CHL1: variants seen among roughly 807,000 people sequenced by gnomAD.
CHL1 encodes the protein neural cell adhesion molecule L1-like protein.
Under a neutral mutation model 141.9 loss-of-function variants are expected in CHL1, and 96 were observed. The observed-to-expected ratio is 0.68, with a 90% confidence interval of 0.57 to 0.80. The LOEUF is 0.80. Ranked by LOEUF, CHL1 falls within the 30% of genes least tolerant of loss-of-function variation. The pLI is 0.00. For synonymous variants in CHL1, 613 were observed against 502.2 expected (o/e 1.22, Z -2.95); for missense variants, 1,820 against 1,457.2 (o/e 1.25, Z -4.05).
At chr3:201,008 C>A (rs892460947) in intron 1 of CHL1, among the ~76,000 whole-genome samples, 1 of 152,174 alleles carries the variant, frequency 6.6e-6, no homozygotes, top group Admixed American at 6.5e-5. Flanking sequence ...TGAATTAACA[C>A]ATCCCTTTGA....
rs116739083 is a variant in CHL1, at chr3:392,453, C to T, written c.2914+656C>T. ...TGGGCTCTGCCCAGATGCTGCTGTG[C>T]GACTAGAGTAACGTGAATGTGTTTA... On this transcript the variant is annotated intron_variant, in intron 23 of 27. Coordinates refer to ENST00000256509, the MANE Select transcript of CHL1 (RefSeq NM_006614.4). Among the ~76,000 whole-genome samples, 273 of 152,308 alleles carry T rather than the reference C, an allele frequency of 1.8e-3. 1 individual carries two copies. Among genetic ancestry groups the T allele is most frequent in the African/African-American group, 5.7e-3 (236 of 41,566 alleles).
chr3:233,779 T>C (rs1000606104), intron 1 of CHL1, among the ~76,000 whole-genome samples: 9 of 152,092 alleles, frequency 5.9e-5, no homozygotes, highest in African/African-American at 2.2e-4. Flanking sequence ...ACTTTTCTAA[T>C]ACATAACTAT....
At chr3:336,429 A>G (rs887785404) in intron 5 of CHL1, among the ~76,000 whole-genome samples, 3 of 152,130 alleles carry the variant, frequency 2.0e-5, no homozygotes, top group Admixed American at 6.6e-5. Flanking sequence ...AATTTCCCTG[A>G]TGGCATTTCA....
At chr3:378,072 A>T in intron 16 of CHL1, 130 bp downstream of exon 16, 2 of 670,878 alleles carry the variant, frequency 3.0e-6, no homozygotes, top group Non-Finnish European at 4.5e-6. Context: ...ATTTTTGTTT[A>T]AAAAGCAACA....
chr3:387,225 C>A (rs1221078811), intron 19 of CHL1, among the ~76,000 whole-genome samples: 3 of 152,198 alleles, frequency 2.0e-5, no homozygotes, highest in Admixed American at 2.0e-4. Context: ...CTCAGATCCT[C>A]TAAAGGATAC....
At chr3:260,426 A>G (rs1048031366) in intron 2 of CHL1, among the ~76,000 whole-genome samples, 3 of 152,226 alleles carry the variant, frequency 2.0e-5, no homozygotes, top group Non-Finnish European at 4.4e-5. Context: ...ATCACTATCT[A>G]TTAAGACATA....
chr3:297,156 A>G (rs1449900169), intron 2 of CHL1, among the ~76,000 whole-genome samples: 1 of 151,964 alleles, frequency 6.6e-6, no homozygotes, highest in East Asian at 1.9e-4. Context: ...AGTCGGGGAG[A>G]TGGAGGCTTC....
In CHL1 at chr3:314,323, CTATGTGTATATATATA is replaced by C. The variant is rs1311704254; in HGVS notation, c.-94-5356_-94-5341del. On this transcript the variant is annotated intron_variant, in intron 2 of 27. Transcript: ENST00000256509. ...ACTCTCTCTCTTTCTCTCTCTCTCT[CTATGTGTATATATATA>C]TATATATATATATATATATATATAT... 2.1e-3 allele frequency among the ~76,000 whole-genome samples: 126 copies of C among 60,160 alleles called. 2 individuals are homozygous for C. Among genetic ancestry groups the C allele is most frequent in the African/African-American group, 7.7e-3 (118 of 15,302 alleles). The allele number at this position is 60,160 out of a possible 152,430, so 39.5% of individuals were successfully genotyped here.
At position 396,392 on chromosome 3, in the gene CHL1, A is replaced by G. The variant is rs1042886315; in HGVS notation, c.3094+1520A>G. Among the ~76,000 whole-genome samples, 50 of 152,210 alleles carry G rather than the reference A, an allele frequency of 3.3e-4. 2 individuals are homozygous for G. On this transcript the variant is annotated intron_variant, in intron 24 of 27. Coordinates refer to ENST00000256509, the MANE Select transcript of CHL1 (RefSeq NM_006614.4). Reference sequence around the variant, plus strand: ...GTTGGTTGCTATTTTGATATAACCAAGACCATAATGTGCATGTGAAATGCT... The same window carrying G: ...GTTGGTTGCTATTTTGATATAACCAGGACCATAATGTGCATGTGAAATGCT...
intron 1 of CHL1, among the ~76,000 whole-genome samples, chr3:208,222 A>G (rs1440806786): frequency 6.6e-6 from 1 of 152,230 alleles, no homozygotes; most frequent in Non-Finnish European, 1.5e-5. Context: ...CTTTGAAGAT[A>G]AAGGTGCCAG....
intron 1 of CHL1, among the ~76,000 whole-genome samples, chr3:214,239 A>G (rs1295502175): frequency 2.0e-5 from 3 of 152,288 alleles, no homozygotes; most frequent in Non-Finnish European, 4.4e-5. Context: ...TTTCTTCTCT[A>G]CGTTTCAGAG....
chr3:267,269 C>A lies in CHL1; in HGVS notation c.-95+22577C>A, dbSNP rs541819766. On this transcript the variant is annotated intron_variant, in intron 2 of 27. Transcript: ENST00000256509. The stretch of plus-strand genomic sequence containing the variant: ...TCAAAATTATGCTAAGATGAAGAGT[C>A]TCACCATCATTTCCCTGGTGACCTG... 2.6e-5 allele frequency among the ~76,000 whole-genome samples: 4 copies of A among 152,272 alleles called. No individual in the cohort carries two copies. In the East Asian group the frequency reaches 7.7e-4, roughly 29 times the overall value.
intron 2 of CHL1, among the ~76,000 whole-genome samples, chr3:263,162 C>A (rs17015776): frequency 6.6e-6 from 1 of 152,072 alleles, no homozygotes; most frequent in Non-Finnish European, 1.5e-5. Flanking sequence ...GAAGCTCCAT[C>A]GCAGGCAAGG....
intron 2 of CHL1, among the ~76,000 whole-genome samples, chr3:257,359 T>C (rs1489806885): frequency 1.3e-5 from 2 of 150,030 alleles, no homozygotes; most frequent in African/African-American, 4.9e-5. Flanking sequence ...TCTTCTTTTT[T>C]TTTTTTTTTT....
chr3:405,632 G>A lies in CHL1; in HGVS notation c.3596G>A (p.Gly1199Asp), dbSNP rs760436479. The change falls in exon 28 of 28, where the codon GGT becomes GAT. Residue 1199 changes from glycine to aspartate, a missense_variant. Coordinates refer to ENST00000256509, the MANE Select transcript of CHL1 (RefSeq NM_006614.4). ...TTCAGTGAAGATGGATCATTTATTG[G>A]TGCCTACGCTGGATCTAAGGAGAAG... ...GLFSEDGSFI[G>D]AYAGSKEKGS... 5.0e-6 allele frequency: 8 copies of A among 1,613,528 alleles called. No homozygotes were observed. The highest frequency in any genetic ancestry group is 2.2e-5 in the South Asian group (2 of 91,064).
In CHL1 at chr3:342,635, C is replaced by G. The variant is rs1481185903; in HGVS notation, c.680-349C>G. Among the ~76,000 whole-genome samples the G allele has an allele frequency of 3.3e-5, 5 of 152,224 alleles. No individual in the cohort carries two copies. In the East Asian group the frequency reaches 9.7e-4, roughly 29 times the overall value. Reference sequence around the variant, plus strand: ...CAGTTTGCTGAGCGAATAATTGGCCCTGGTATAGTTGAAAGTTGGCATTAC... The same window carrying G: ...CAGTTTGCTGAGCGAATAATTGGCCGTGGTATAGTTGAAAGTTGGCATTAC... On this transcript the variant is annotated intron_variant, in intron 7 of 27. Coordinates refer to ENST00000256509, the MANE Select transcript of CHL1 (RefSeq NM_006614.4).
At chr3:276,888 C>A (rs1313154004) in intron 2 of CHL1, among the ~76,000 whole-genome samples, 1 of 102,784 alleles carries the variant, frequency 9.7e-6, no homozygotes, top group Non-Finnish European at 2.0e-5. Context: ...GACTCCGTCT[C>A]CTAAAAAAAA....
At chr3:262,875 C>G (rs6796370) in intron 2 of CHL1, among the ~76,000 whole-genome samples, 8,149 of 152,256 alleles carry the variant, frequency 0.054, 699 homozygotes, top group African/African-American at 0.19. Flanking sequence ...TCAAAACACA[C>G]CTGTGAGTTT....
chr3:276,706 G>A (rs879666005), intron 2 of CHL1, among the ~76,000 whole-genome samples: 126 of 151,800 alleles, frequency 8.3e-4, no homozygotes, highest in Non-Finnish European at 1.3e-3. Flanking sequence ...TGGCTAACAG[G>A]GTGAAATCCC....
Sources: gnomAD v4.1 joint callset for allele counts (sites outside exome capture counted in the v4.1 genomes callset) on GRCh38, gnomAD v4.1.1 for gene constraint, MANE v1.5 for transcripts, NCBI Gene and HGNC (gene_info 2026-07-23, HGNC 2026-07-21) for gene names.